The following ARHGEF4 variants were observed in gnomAD, a reference collection of about 807,000 sequenced individuals.
ARHGEF4 encodes the protein APC-stimulated guanine nucleotide exchange factor 1.
ARHGEF4 carries 119 observed loss-of-function variants against 162.0 expected under a neutral mutation model. The ratio of observed to expected loss-of-function variants is 0.73; its 90% CI spans 0.63 to 0.86. The LOEUF (loss-of-function observed/expected upper bound fraction) is 0.86, where lower values mean the gene tolerates loss of function less well. Ranked by LOEUF, ARHGEF4 falls within the 40% of genes least tolerant of loss-of-function variation. ARHGEF4 has a pLI of 0.00. For missense variants in ARHGEF4, 2,488 were observed against 2,456.0 expected (o/e 1.01, Z -0.28); for synonymous variants, 1,014 against 979.9 (o/e 1.03, Z -0.65).
intron 4 of ARHGEF4, among the ~76,000 whole-genome samples, chr2:131,027,300 T>G (rs928237816): frequency 2.6e-5 from 4 of 152,204 alleles, no homozygotes; most frequent in African/African-American, 9.7e-5. Flanking sequence ...GCTGGATCCC[T>G]TTAGACAAGG....
At chr2:130,962,668 GCA>G (rs1169372812) in intron 4 of ARHGEF4, among the ~76,000 whole-genome samples, 2 of 152,242 alleles carry the variant, frequency 1.3e-5, no homozygotes, top group African/African-American at 4.8e-5. Context: ...CAGTTTTCTA[GCA>G]CCCACCCTAT....
chr2:131,035,252 CCTTCCG>C, intron 5 of ARHGEF4: 1 of 1,223,652 alleles, frequency 8.2e-7, no homozygotes, highest in Non-Finnish European at 1.0e-6. Flanking sequence ...TTCCTGCTGG[CCTTCCG>C]CTGAGCGGCC....
chr2:131,041,550 G>A, intron 9 of ARHGEF4, 88 bp downstream of exon 9: 2 of 1,374,586 alleles, frequency 1.5e-6, no homozygotes, highest in Non-Finnish European at 2.0e-6. Flanking sequence ...GCTGGGCACT[G>A]CTGCAGCCCT....
At chr2:130,893,083 C>T (rs1323568857) in intron 1 of ARHGEF4, among the ~76,000 whole-genome samples, 1 of 152,242 alleles carries the variant, frequency 6.6e-6, no homozygotes, top group African/African-American at 2.4e-5. Context: ...CCTGTCAAGA[C>T]TTAATCTCAC....
At chr2:130,844,049 C>T (rs2104860006) in intron 1 of ARHGEF4, among the ~76,000 whole-genome samples, 1 of 152,316 alleles carries the variant, frequency 6.6e-6, no homozygotes, top group East Asian at 1.9e-4. Flanking sequence ...CTGTTTATAA[C>T]CTGGGAAGGT....
At chr2:131,032,967 C>G (rs1489756072) in intron 5 of ARHGEF4, among the ~76,000 whole-genome samples, 1 of 151,394 alleles carries the variant, frequency 6.6e-6, no homozygotes, top group Admixed American at 6.6e-5. Flanking sequence ...ATCCTCCCAC[C>G]TCAGTCTTTC....
intron 4 of ARHGEF4, among the ~76,000 whole-genome samples, chr2:131,002,626 C>T (rs1687850768): frequency 7.2e-6 from 1 of 139,516 alleles, no homozygotes; most frequent in Non-Finnish European, 1.5e-5. Flanking sequence ...AGGAGAATGT[C>T]GTGAACCCGG....
chr2:130,899,849 T>C (rs1680386720), intron 1 of ARHGEF4, among the ~76,000 whole-genome samples: 1 of 152,234 alleles, frequency 6.6e-6, no homozygotes, highest in Admixed American at 6.5e-5. Flanking sequence ...TCACAGAGAC[T>C]GGAGGACTGA....
At chr2:130,944,476 T>C (rs1683492155) in intron 3 of ARHGEF4, among the ~76,000 whole-genome samples, 1 of 152,226 alleles carries the variant, frequency 6.6e-6, no homozygotes, top group African/African-American at 2.4e-5. Flanking sequence ...TTCTCTCTGT[T>C]CTTCAATTGG....
Position 130,917,165 on chromosome 2 carries a change from C to T in ARHGEF4, c.3219C>T (p.Ser1073=). The change falls in exon 2 of 14, where the codon AGC becomes AGT. Residue 1073 remains serine (S), a synonymous_variant. Coordinates refer to ENST00000409359, the MANE Select transcript of ARHGEF4 (RefSeq NM_001367493.1). ...QAGIAHTLPS[S]SACCLAYENP... is the part of the protein sequence containing the mutation. ...GAATCGCACACACCCTGCCTTCCAG[C>T]TCTGCCTGCTGCCTGGCATATGAAA... is the stretch of plus-strand genomic sequence containing the variant. 1 of 1,550,546 alleles carries T rather than the reference C, an allele frequency of 6.4e-7. No individual in the cohort carries two copies. Among genetic ancestry groups the T allele is most frequent in the African/African-American group, 1.4e-5 (1 of 73,166 alleles).
At chr2:130,968,182 C>A (rs1228611814) in intron 4 of ARHGEF4, among the ~76,000 whole-genome samples, 1 of 152,198 alleles carries the variant, frequency 6.6e-6, no homozygotes, top group African/African-American at 2.4e-5. Context: ...TGACTCTGAT[C>A]AGTCAGGATA....
At chr2:131,005,766 G>A (rs1688081730) in intron 4 of ARHGEF4, among the ~76,000 whole-genome samples, 1 of 152,148 alleles carries the variant, frequency 6.6e-6, no homozygotes, top group South Asian at 2.1e-4. Context: ...GGACCACAGG[G>A]ACCCGTGGTG....
At chr2:130,942,475 C>A (rs940148349) in intron 3 of ARHGEF4, among the ~76,000 whole-genome samples, 25 of 152,202 alleles carry the variant, frequency 1.6e-4, no homozygotes, top group Non-Finnish European at 2.8e-4. Context: ...CTAGTTTCAA[C>A]TACTCAGATA....
At chr2:130,925,607 G>A (rs1398564305) in intron 2 of ARHGEF4, among the ~76,000 whole-genome samples, 3 of 152,280 alleles carry the variant, frequency 2.0e-5, no homozygotes, top group Non-Finnish European at 2.9e-5. Flanking sequence ...AAGATTCTAA[G>A]TTAATAGTTA....
At chr2:130,919,573 G>A (rs546280658) in intron 2 of ARHGEF4, among the ~76,000 whole-genome samples, 10 of 152,272 alleles carry the variant, frequency 6.6e-5, no homozygotes, top group African/African-American at 2.2e-4. Context: ...GAATTAACAA[G>A]CCTGATTTAA....
At chr2:130,865,617 G>A (rs1397976339) in intron 1 of ARHGEF4, among the ~76,000 whole-genome samples, 1 of 152,214 alleles carries the variant, frequency 6.6e-6, no homozygotes, top group Non-Finnish European at 1.5e-5. Flanking sequence ...CTGCGGTGCT[G>A]TCGACTGCTG....
At chr2:130,918,249 G>A (rs367650010) in intron 2 of ARHGEF4, among the ~76,000 whole-genome samples, 1 of 152,166 alleles carries the variant, frequency 6.6e-6, no homozygotes, top group African/African-American at 2.4e-5. Context: ...AAAGAGACAG[G>A]AAATGTTGGT....
intron 1 of ARHGEF4, among the ~76,000 whole-genome samples, chr2:130,842,439 T>G (rs1680671983): frequency 1.3e-5 from 2 of 152,336 alleles, no homozygotes; most frequent in South Asian, 4.1e-4. Flanking sequence ...ATACTCGTAC[T>G]TTATGTAGAG....
intron 5 of ARHGEF4, among the ~76,000 whole-genome samples, chr2:131,036,391 C>G (rs1269664024): frequency 6.6e-6 from 1 of 152,232 alleles, no homozygotes; most frequent in East Asian, 1.9e-4. Flanking sequence ...AGCTTGCTCA[C>G]GGCACGTGTC....
Sources: allele counts gnomAD v4.1 joint callset (sites outside exome capture counted in the v4.1 genomes callset), GRCh38; gene constraint gnomAD v4.1.1; transcripts MANE v1.5; gene names NCBI Gene and HGNC (gene_info 2026-07-23, HGNC 2026-07-21).